SYNE1: variants seen among roughly 807,000 people sequenced by gnomAD.
SYNE1 encodes the protein nesprin-1.
SYNE1 carries 616 observed loss-of-function variants against 1,111.0 expected under a neutral mutation model. The ratio of observed to expected loss-of-function variants is 0.55; its 90% CI spans 0.52 to 0.59. SYNE1 has a LOEUF of 0.59. Ranked by LOEUF, SYNE1 falls within the 20% of genes least tolerant of loss-of-function variation. SYNE1 has a pLI of 0.00. For missense variants in SYNE1, 10,006 were observed against 10,417.0 expected, an observed-to-expected ratio of 0.96 and a Z score of 1.72; for synonymous variants, 3,855 against 3,825.8, an observed-to-expected ratio of 1.01 and a Z score of -0.28.
chr6:152,482,731 A>G (rs1314868828), intron 14 of SYNE1, among the ~76,000 whole-genome samples: 2 of 152,296 alleles, frequency 1.3e-5, no homozygotes, highest in East Asian at 3.9e-4. Context: ...TTGAGAATGG[A>G]GGCAGAAATG....
chr6:152,283,106 T>C lies in SYNE1; in HGVS notation c.18207+872A>G, dbSNP rs73623009. ...TACAGGAGCAACAATATGAGTAGCC[T>C]AGAAGCTTAGGGCCAAGAATTTACG... is the stretch of plus-strand genomic sequence containing the variant. On this transcript the variant is annotated intron_variant, in intron 96 of 145. Transcript: ENST00000367255. Among the ~76,000 whole-genome samples the C allele has an allele frequency of 7.0e-3, 1,069 of 152,244 alleles. 13 individuals are homozygous for C. The highest frequency in any genetic ancestry group is 0.025 in the African/African-American group (1,025 of 41,526).
intron 3 of SYNE1, among the ~76,000 whole-genome samples, chr6:152,613,083 G>C (rs190423482): frequency 6.6e-6 from 1 of 152,058 alleles, no homozygotes. Context: ...TTTGAAAACC[G>C]GCACAAGACA....
chr6:152,313,968 A>G (rs1329185775), intron 87 of SYNE1, among the ~76,000 whole-genome samples: 3 of 152,160 alleles, frequency 2.0e-5, no homozygotes, highest in Admixed American at 1.3e-4. Flanking sequence ...CCTGTCTTTC[A>G]TCGTTGACTC....
intron 4 of SYNE1, among the ~76,000 whole-genome samples, chr6:152,526,816 ACAGACCGAT>A (rs2099165773): frequency 6.6e-6 from 1 of 152,248 alleles, no homozygotes; most frequent in African/African-American, 2.4e-5. Context: ...GCACAAAAGT[ACAGACCGAT>A]CAGTGCAAAT....
intron 115 of SYNE1, among the ~76,000 whole-genome samples, chr6:152,228,883 T>C (rs2082145723): frequency 6.6e-6 from 1 of 151,640 alleles, no homozygotes; most frequent in South Asian, 2.1e-4. Context: ...TTCTTCATCT[T>C]CAGTCTTTAA....
chr6:152,248,378 G>A (rs778860662), intron 105 of SYNE1, among the ~76,000 whole-genome samples: 5 of 151,712 alleles, frequency 3.3e-5, no homozygotes, highest in Non-Finnish European at 7.4e-5. Context: ...AAATTTGGCT[G>A]AATTTAATTG....
intron 21 of SYNE1, among the ~76,000 whole-genome samples, chr6:152,461,171 A>G (rs508931): frequency 0.52 from 79,549 of 151,890 alleles, 22,727 homozygotes; most frequent in East Asian, 0.76. Flanking sequence ...GAATTTCCAC[A>G]GCTTTGTGGC....
chr6:152,185,690 G>T (rs2813514), intron 128 of SYNE1, among the ~76,000 whole-genome samples: 96,556 of 152,154 alleles, frequency 0.63, 32,505 homozygotes, highest in African/African-American at 0.88. Context: ...TCTTTTTAAC[G>T]TCTTAGTCTC....
chr6:152,603,223 G>A (rs554685716), intron 3 of SYNE1, among the ~76,000 whole-genome samples: 2 of 152,056 alleles, frequency 1.3e-5, no homozygotes, highest in Non-Finnish European at 2.9e-5. Flanking sequence ...GCAGTTGCTG[G>A]GTGATTCAAG....
rs1186210785 is a variant in SYNE1 at position 152,516,281 on chromosome 6, G to A, written c.309+4178C>T. Among the ~76,000 whole-genome samples the A allele has an allele frequency of 4.6e-5, 7 of 152,306 alleles. No homozygotes were observed. In the East Asian group the frequency reaches 1.2e-3, roughly 25 times the overall value. ...TTAAGAGACTTGTGGGGAAAAAAGA[G>A]AAATTCTTTCATTTTGTTCTGATTC... On this transcript the variant is annotated intron_variant, in intron 6 of 145. Transcript: ENST00000367255.
intron 31 of SYNE1, among the ~76,000 whole-genome samples, chr6:152,441,472 C>T (rs1165705020): frequency 6.6e-6 from 1 of 152,084 alleles, no homozygotes; most frequent in Non-Finnish European, 1.5e-5. Flanking sequence ...AAAGAGAGGA[C>T]ACATGGACTC....
intron 58 of SYNE1, among the ~76,000 whole-genome samples, chr6:152,374,150 A>C (rs1247518893): frequency 6.6e-6 from 1 of 152,194 alleles, no homozygotes; most frequent in Non-Finnish European, 1.5e-5. Context: ...CAAGTCAATG[A>C]CCTAGTGCCA....
intron 60 of SYNE1, 133 bp from the exon 61 acceptor site, chr6:152,369,260 C>G: frequency 2.2e-6 from 3 of 1,357,270 alleles, no homozygotes; most frequent in Non-Finnish European, 3.1e-6. Context: ...TATCTCCAAT[C>G]TACACACCGT....
rs187075367 is a variant in SYNE1, at chr6:152,401,861, C to T, written c.6826-520G>A. The stretch of plus-strand genomic sequence containing the variant: ...GCTGAGGAGGGTCGACTTCTATGGC[C>T]CCCTAGTTAGTCAAAGGACATATAG... On this transcript the variant is annotated intron_variant, in intron 46 of 145. Transcript: ENST00000367255. Among the ~76,000 whole-genome samples, 207 of 152,206 alleles carry T rather than the reference C, an allele frequency of 1.4e-3. 2 individuals are homozygous for T. The highest frequency in any genetic ancestry group is 6.8e-3 in the Middle Eastern group (2 of 294).
chr6:152,209,966 C>A (rs2077237112), intron 124 of SYNE1, among the ~76,000 whole-genome samples: 1 of 152,102 alleles, frequency 6.6e-6, no homozygotes, highest in African/African-American at 2.4e-5. Flanking sequence ...GCTTTCCCTA[C>A]CAGGTAACCA....
intron 100 of SYNE1, among the ~76,000 whole-genome samples, chr6:152,262,600 A>T (rs1223618371): frequency 6.6e-6 from 1 of 152,178 alleles, no homozygotes; most frequent in African/African-American, 2.4e-5. Flanking sequence ...GGAGGGTACA[A>T]CAGGACACAG....
intron 3 of SYNE1, among the ~76,000 whole-genome samples, chr6:152,606,006 A>G (rs2099613863): frequency 6.6e-6 from 1 of 152,122 alleles, no homozygotes; most frequent in African/African-American, 2.4e-5. Context: ...ATGAAACCAG[A>G]GCCAATTTCC....
intron 25 of SYNE1, among the ~76,000 whole-genome samples, chr6:152,451,430 G>A (rs1379142032): frequency 7.1e-6 from 1 of 141,164 alleles, no homozygotes; most frequent in Non-Finnish European, 1.5e-5. Flanking sequence ...TTTCCTCAGT[G>A]ATTACTTGAT....
chr6:152,211,550 C>T lies in SYNE1; in HGVS notation c.22533G>A (p.Leu7511=). The T allele has an allele frequency of 6.2e-7, 1 of 1,613,814 alleles. No homozygotes were observed. The highest frequency in any genetic ancestry group is 1.3e-5 in the African/African-American group (1 of 74,974). Residue 7511 remains leucine, a synonymous_variant, in exon 124 of 146, where the codon TTG becomes TTA. Coordinates refer to ENST00000367255, the MANE Select transcript of SYNE1 (RefSeq NM_182961.4). ...QAEMFSRQQI[L]HSIIIDGQRL... ...GTTGCCCATCAATAATGATTGAGTG[C>T]AAAATCTGCTGACGACTGAACATCT...
Sources: allele counts gnomAD v4.1 joint callset (sites outside exome capture counted in the v4.1 genomes callset), GRCh38; gene constraint gnomAD v4.1.1; transcripts MANE v1.5; gene names NCBI Gene and HGNC (gene_info 2026-07-23, HGNC 2026-07-21).